Variants in WDR87 observed in about 807,000 individuals in gnomAD.
WDR87 encodes WD repeat domain 87.
Under a neutral mutation model 83.3 loss-of-function variants are expected in WDR87, and 56 were observed. That is an observed-to-expected ratio of 0.67 (90% CI 0.54 to 0.84). WDR87 has a LOEUF of 0.84. Among genes scored for constraint, WDR87 ranks in the 40% least tolerant of loss-of-function variants. The probability of loss-of-function intolerance (pLI) is 0.00; values close to 1 mark genes in which losing one functional copy is unlikely to be tolerated. For synonymous variants in WDR87, 1,173 were observed against 1,250.6 expected (o/e 0.94, Z 1.31); for missense variants, 2,939 against 3,431.9 (o/e 0.86, Z 3.59).
Position 37,889,069 on chromosome 19 carries a change from T to C in WDR87, c.4602A>G (p.Lys1534=), listed in dbSNP as rs764903558. 6.4e-7 allele frequency: 1 copy of C among 1,552,110 alleles called. No homozygotes were observed. Among genetic ancestry groups the C allele is most frequent in the South Asian group, 1.2e-5 (1 of 84,062 alleles). The change falls in exon 6 of 6, where the codon AAA becomes AAG. Residue 1534 remains lysine (K), a synonymous_variant. Transcript: ENST00000447313. ...ATAGCTTCTCTCCAGCCTGATGTAG[T>C]TTCTCCTCTTCCTGAAGAAGCCTCT... ...WEKRLLQEEE[K]LHQAGEKLSP...
Position 37,893,021 on chromosome 19 carries a change from A to G in WDR87, c.2682T>C (p.Asp894=). ...EHFLEMRLSK[D]VTYSVLTDGA... Reference sequence around the variant, plus strand: ...CATCTGTAAGGACACTGTAGGTTACATCCTTGGAAAGTCTCATTTCTAGGA... The same window carrying G: ...CATCTGTAAGGACACTGTAGGTTACGTCCTTGGAAAGTCTCATTTCTAGGA... Residue 894 remains aspartate, a synonymous_variant, in exon 4 of 6, where the codon GAT becomes GAC. Transcript: ENST00000447313. 1.9e-6 allele frequency: 3 copies of G among 1,551,778 alleles called. No individual in the cohort carries two copies. The highest frequency in any genetic ancestry group is 2.6e-6 in the Non-Finnish European group (3 of 1,146,998).
chr19:37,886,672 CT>C lies in WDR87; in HGVS notation c.6998del (p.Lys2333ArgfsTer20). 2 of 1,492,438 alleles carry C rather than the reference CT, an allele frequency of 1.3e-6. No individual in the cohort carries two copies. The highest frequency in any genetic ancestry group is 1.2e-5 in the South Asian group (1 of 80,192). The allele number at this position is 1,492,438 out of a possible 1,614,324, so 92.4% of individuals were successfully genotyped here. On this transcript the variant is annotated frameshift_variant, in exon 6 of 6. Coordinates refer to ENST00000447313, the MANE Select transcript of WDR87 (RefSeq NM_001291088.2). LOFTEE classifies it low-confidence loss of function (END_TRUNC). ...EEEKKKKKKEKKKEEVQEKEE... is the reference protein window; with the variant it reads ...EEEKKKKKKEXKKEEVQEKEE... Reference sequence around the variant, plus strand: ...CCTTCTCCTGAACCTCCTCCTTCTTCTTTTCCTTTTTCTTCTTCTTCTTCTC... The same window carrying C: ...CCTTCTCCTGAACCTCCTCCTTCTTCTTTCCTTTTTCTTCTTCTTCTTCTC...
In WDR87 at chr19:37,888,693, C is replaced by G. The variant is rs375105907; in HGVS notation, c.4978G>C (p.Val1660Leu). Residue 1660 changes from valine to leucine, a missense_variant, in exon 6 of 6, where the codon GTG (valine) becomes CTG (leucine). This residue lies in a region of WDR87 where 2,160 missense variants were observed against 2,533.1 expected (regional missense o/e 0.85). Coordinates refer to ENST00000447313, the MANE Select transcript of WDR87 (RefSeq NM_001291088.2). ...TCCCTGTCATCCTGGGTTATTTTCA[C>G]GTATGCCTGGGCCAGTTTTCTCTCT... is the stretch of plus-strand genomic sequence containing the variant. ...QEERKLAQAY[V>L]KITQDDREMA... The G allele has an allele frequency of 1.9e-6, 3 of 1,551,914 alleles. No homozygotes were observed. In the East Asian group the frequency reaches 7.3e-5, roughly 38 times the overall value.
intron 4 of WDR87, among the ~76,000 whole-genome samples, chr19:37,892,089 A>T (rs772659299): frequency 6.6e-6 from 1 of 152,196 alleles, no homozygotes; most frequent in Non-Finnish European, 1.5e-5. Context: ...AGGAAAAGCA[A>T]TGGAGAAAGG....
At chr19:37,903,948 G>A (rs921622253) in intron 1 of WDR87, among the ~76,000 whole-genome samples, 12 of 151,416 alleles carry the variant, frequency 7.9e-5, no homozygotes, top group South Asian at 2.1e-4. Context: ...TCACTCTGTC[G>A]CCCAGGCTAG....
In WDR87 at chr19:37,885,531, G is replaced by A; in HGVS notation, c.8140C>T (p.Pro2714Ser). The A allele has an allele frequency of 6.4e-7, 1 of 1,551,694 alleles. No individual in the cohort carries two copies. Among genetic ancestry groups the A allele is most frequent in the Non-Finnish European group, 8.7e-7 (1 of 1,147,002 alleles). The stretch of plus-strand genomic sequence containing the variant: ...TTTTCCACAGAGGCATGGGCACTTG[G>A]AAAAATGTCTCTGGTGGCAGGATAA... ...YFYPATRDIF[P>S]SAHASVEKQT... Residue 2714 changes from proline (P) to serine (S), a missense_variant, in exon 6 of 6, where the codon CCA (proline) becomes TCA (serine). Physicochemically the swap from Pro to Ser is moderately conservative, Grantham distance 74. Coordinates refer to ENST00000447313, the MANE Select transcript of WDR87 (RefSeq NM_001291088.2).
At chr19:37,896,035 C>A in intron 3 of WDR87, 103 bp downstream of exon 3, 1 of 1,413,716 alleles carries the variant, frequency 7.1e-7, no homozygotes, top group Non-Finnish European at 9.6e-7. Flanking sequence ...TTCCAGACCA[C>A]ATTCATCCAT....
At position 37,894,745 on chromosome 19, in the gene WDR87, G is replaced by A. The variant is rs751037412; in HGVS notation, c.958C>T (p.Arg320Trp). ...WNLTSGSLLRRLELGEELYRL... is the reference protein window; with the variant it reads ...WNLTSGSLLRWLELGEELYRL... ...TATAGCTCCTCACCAAGCTCTAGCCGCCGAAGCAGGCTCCCTGAAGTCAGG... is the reference window on the plus strand; with the variant it reads ...TATAGCTCCTCACCAAGCTCTAGCCACCGAAGCAGGCTCCCTGAAGTCAGG... Residue 320 changes from arginine to tryptophan, a missense_variant, in exon 4 of 6, where the codon CGG (arginine) becomes TGG (tryptophan). Arg to Trp is a moderately radical substitution (Grantham distance 101). Coordinates refer to ENST00000447313, the MANE Select transcript of WDR87 (RefSeq NM_001291088.2). 1.3e-5 allele frequency: 20 copies of A among 1,551,588 alleles called. No individual in the cohort carries two copies. The highest frequency in any genetic ancestry group is 7.3e-5 in the East Asian group (3 of 40,934).
rs1315954367 is a variant in WDR87, at chr19:37,894,649, G to A, written c.1054C>T (p.Pro352Ser). 1.3e-6 allele frequency: 2 copies of A among 1,551,632 alleles called. No homozygotes were observed. Among genetic ancestry groups the A allele is most frequent in the African/African-American group, 2.7e-5 (2 of 73,048 alleles). Reference sequence around the variant, plus strand: ...ACATTGAAGAGGCTGTAGAAGCAGGGCAGGCGGTGCAAGGAAAAACTATGG... The same window carrying A: ...ACATTGAAGAGGCTGTAGAAGCAGGACAGGCGGTGCAAGGAAAAACTATGG... ...TAHSFSLHRL[P>S]CFYSLFNVCG... Residue 352 changes from proline (P) to serine (S), a missense_variant, in exon 4 of 6, where the codon CCC (proline) becomes TCC (serine). By Grantham distance (74) the Pro-to-Ser change is moderately conservative (BLOSUM62 -1). Transcript: ENST00000447313.
chr19:37,894,943 C>T lies in WDR87; in HGVS notation c.760G>A (p.Gly254Ser), dbSNP rs1263721286. 2.6e-6 allele frequency: 4 copies of T among 1,551,554 alleles called. No homozygotes were observed. The highest frequency in any genetic ancestry group is 2.4e-5 in the East Asian group (1 of 40,920). ...ITCCFTCFDQGFLYAGNQAGE... is the reference protein window; with the variant it reads ...ITCCFTCFDQSFLYAGNQAGE... ...GCTTGGTTTCCAGCATAGAGAAAGC[C>T]CTGATCAAAACAGGTGAAGCAGCAG... The change falls in exon 4 of 6, where the codon GGC becomes AGC. Residue 254 changes from glycine (G) to serine (S), a missense_variant. By Grantham distance (56) the Gly-to-Ser change is moderately conservative (BLOSUM62 0). Coordinates refer to ENST00000447313, the MANE Select transcript of WDR87 (RefSeq NM_001291088.2).
chr19:37,885,140 C>A lies in WDR87; in HGVS notation c.8531G>T (p.Cys2844Phe). ...ATGAGAACTGCCACAAAACAGGCAG[C>A]AGAACAGCCGTTCCCCGGGAACTAG... ...TELVPGERLF[C>F]CLFCGSSHTP... Residue 2844 changes from cysteine to phenylalanine, a missense_variant, in exon 6 of 6, where the codon TGC becomes TTC. This residue lies in a region of WDR87 where 2,160 missense variants were observed against 2,533.1 expected (regional missense o/e 0.85). Transcript: ENST00000447313. The A allele has an allele frequency of 6.8e-7, 1 of 1,463,572 alleles. No individual in the cohort carries two copies. The highest frequency in any genetic ancestry group is 9.0e-7 in the Non-Finnish European group (1 of 1,108,346). The allele number at this position is 1,463,572 out of a possible 1,614,324, so 90.7% of individuals were successfully genotyped here.
Position 37,888,218 on chromosome 19 carries a change from T to A in WDR87, c.5453A>T (p.Gln1818Leu). Residue 1818 changes from glutamine (Q) to leucine (L), a missense_variant, in exon 6 of 6, where the codon CAG becomes CTG. By Grantham distance (113) the Gln-to-Leu change is moderately radical. This residue lies in a region of WDR87 where 2,160 missense variants were observed against 2,533.1 expected (regional missense o/e 0.85). Coordinates refer to ENST00000447313, the MANE Select transcript of WDR87 (RefSeq NM_001291088.2). ...GTGCTGGGCCAGTTTCTCCTTTTCCTGGATCAGCAACTCTTCTTCCTGGGC... is the reference window on the plus strand; with the variant it reads ...GTGCTGGGCCAGTTTCTCCTTTTCCAGGATCAGCAACTCTTCTTCCTGGGC... ...KLAQEEELLI[Q>L]EKEKLAQHKE... The A allele has an allele frequency of 6.4e-7, 1 of 1,552,248 alleles. No homozygotes were observed. The highest frequency in any genetic ancestry group is 8.7e-7 in the Non-Finnish European group (1 of 1,147,134).
In WDR87 at chr19:37,894,124, A is replaced by G. The variant is rs201485092; in HGVS notation, c.1579T>C (p.Ser527Pro). ...TGCACATAGTCATCCATTCCATAGG[A>G]ACAGAGCAGAGAGTTTCCTTGGCCA... Reference protein sequence around the residue: ...FGGQGNSLLCSYGMDDYVHLS... With the variant: ...FGGQGNSLLCPYGMDDYVHLS... Residue 527 changes from serine to proline, a missense_variant, in exon 4 of 6, where the codon TCC (serine) becomes CCC (proline). Ser to Pro is a moderately conservative substitution (Grantham distance 74). Coordinates refer to ENST00000447313, the MANE Select transcript of WDR87 (RefSeq NM_001291088.2). 6.9e-5 allele frequency: 107 copies of G among 1,552,182 alleles called. No individual in the cohort carries two copies. The highest frequency in any genetic ancestry group is 7.9e-5 in the Non-Finnish European group (91 of 1,147,142).
chr19:37,902,905 T>C (rs2046301946), intron 1 of WDR87, among the ~76,000 whole-genome samples: 2 of 152,188 alleles, frequency 1.3e-5, no homozygotes, highest in South Asian at 2.1e-4. Context: ...CTAGAGCTTA[T>C]AGTCATCAAA....
In WDR87 at chr19:37,885,351, C is replaced by T; in HGVS notation, c.8320G>A (p.Val2774Ile). The T allele has an allele frequency of 6.4e-7, 1 of 1,551,788 alleles. No individual in the cohort carries two copies. Among genetic ancestry groups the T allele is most frequent in the Non-Finnish European group, 8.7e-7 (1 of 1,147,010 alleles). Residue 2774 changes from valine to isoleucine, a missense_variant, in exon 6 of 6, where the codon GTT (valine) becomes ATT (isoleucine). Physicochemically the swap from Val to Ile is conservative, Grantham distance 29. Coordinates refer to ENST00000447313, the MANE Select transcript of WDR87 (RefSeq NM_001291088.2). Reference protein sequence around the residue: ...LWETFVALYHVLRMLQQRYPK... With the variant: ...LWETFVALYHILRMLQQRYPK... ...TATCGCTGCTGCAGCATCCGCAAAACATGGTACAGTGCCACAAATGTCTCC... is the reference window on the plus strand; with the variant it reads ...TATCGCTGCTGCAGCATCCGCAAAATATGGTACAGTGCCACAAATGTCTCC...
Position 37,885,549 on chromosome 19 carries a change from C to A in WDR87, c.8122G>T (p.Ala2708Ser), listed in dbSNP as rs1015459360. Residue 2708 changes from alanine to serine, a missense_variant, in exon 6 of 6, where the codon GCC (alanine) becomes TCC (serine). Physicochemically the swap from Ala to Ser is moderately conservative, Grantham distance 99. This residue lies in a region of WDR87 where 2,160 missense variants were observed against 2,533.1 expected (regional missense o/e 0.85). Coordinates refer to ENST00000447313, the MANE Select transcript of WDR87 (RefSeq NM_001291088.2). ...KEMEMQYFYPATRDIFPSAHA... is the reference protein window; with the variant it reads ...KEMEMQYFYPSTRDIFPSAHA... ...GCACTTGGAAAAATGTCTCTGGTGGCAGGATAAAAGTATTGCATTTCCATC... is the reference window on the plus strand; with the variant it reads ...GCACTTGGAAAAATGTCTCTGGTGGAAGGATAAAAGTATTGCATTTCCATC... The A allele has an allele frequency of 1.3e-6, 2 of 1,551,680 alleles. No homozygotes were observed.
Position 37,889,464 on chromosome 19 carries a change from G to T in WDR87, c.4207C>A (p.Gln1403Lys). 1 of 1,551,624 alleles carries T rather than the reference G, an allele frequency of 6.4e-7. No homozygotes were observed. The highest frequency in any genetic ancestry group is 8.7e-7 in the Non-Finnish European group (1 of 1,146,986). Residue 1403 changes from glutamine to lysine, a missense_variant, in exon 6 of 6, where the codon CAA becomes AAA. Coordinates refer to ENST00000447313, the MANE Select transcript of WDR87 (RefSeq NM_001291088.2). ...TTCTTGCCCTTTTTCAAAATCACTT[G>T]GGTTTCCTCCAAGCCCAGCATGTCT... ...ARDMLGLEET[Q>K]VILKKGKKVI...
At position 37,885,829 on chromosome 19, in the gene WDR87, G is replaced by T. The variant is rs577755444; in HGVS notation, c.7842C>A (p.Tyr2614Ter). The change falls in exon 6 of 6, where the codon TAC becomes TAA. Residue 2614 changes from tyrosine to a stop codon, truncating the protein, a stop_gained. Coordinates refer to ENST00000447313, the MANE Select transcript of WDR87 (RefSeq NM_001291088.2). LOFTEE classifies it low-confidence loss of function (END_TRUNC). The part of the protein sequence containing the change: ...LHLAKHEAIV[Y>*]RHRQALESQD... ...GTGACTCCAGGGCCTGTCTGTGACG[G>T]TACACAATGGCTTCATGTTTGGCCA... 7 of 1,551,770 alleles carry T rather than the reference G, an allele frequency of 4.5e-6. No homozygotes were observed. The highest frequency in any genetic ancestry group is 6.1e-6 in the Non-Finnish European group (7 of 1,147,046).
Position 37,888,662 on chromosome 19 carries a change from G to A in WDR87, c.5009C>T (p.Ala1670Val). Residue 1670 changes from alanine (A) to valine (V), a missense_variant, in exon 6 of 6, where the codon GCC (alanine) becomes GTC (valine). Coordinates refer to ENST00000447313, the MANE Select transcript of WDR87 (RefSeq NM_001291088.2). Reference protein sequence around the residue: ...VKITQDDREMAQAEGKFAQKE... With the variant: ...VKITQDDREMVQAEGKFAQKE... Reference sequence around the variant, plus strand: ...CTGGGCAAACTTACCCTCTGCCTGGGCCATTTCCCTGTCATCCTGGGTTAT... The same window carrying A: ...CTGGGCAAACTTACCCTCTGCCTGGACCATTTCCCTGTCATCCTGGGTTAT... The A allele has an allele frequency of 6.4e-7, 1 of 1,551,824 alleles. No individual in the cohort carries two copies. The highest frequency in any genetic ancestry group is 1.2e-5 in the South Asian group (1 of 84,012).
Sources: gnomAD v4.1 joint callset for allele counts (sites outside exome capture counted in the v4.1 genomes callset) on GRCh38, gnomAD v4.1.1 for gene constraint, gnomAD v4.1.1 regional missense constraint, MANE v1.5 for transcripts, NCBI Gene and HGNC (gene_info 2026-07-23, HGNC 2026-07-21) for gene names.